SEC14L1: variants seen among roughly 807,000 people sequenced by gnomAD.
SEC14L1 encodes SEC14 like lipid binding 1, also known as SEC14-like protein 1.
Under a neutral mutation model 85.3 loss-of-function variants are expected in SEC14L1, and 48 were observed. The ratio of observed to expected loss-of-function variants is 0.56; its 90% CI spans 0.45 to 0.72. The LOEUF (loss-of-function observed/expected upper bound fraction) is 0.72. SEC14L1 is among the 30% of genes least tolerant of loss of function. SEC14L1 has a pLI of 0.00. For synonymous variants in SEC14L1, 391 were observed against 355.5 expected (o/e 1.10, Z -1.12); for missense variants, 682 against 921.4 (o/e 0.74, Z 3.36).
intron 3 of SEC14L1, among the ~76,000 whole-genome samples, chr17:77,104,914 T>G (rs899691988): frequency 3.3e-5 from 5 of 151,706 alleles, no homozygotes; most frequent in African/African-American, 1.2e-4. Context: ...GGGCACAGCT[T>G]GGTTTTATAC....
intron 3 of SEC14L1, among the ~76,000 whole-genome samples, chr17:77,168,287 T>A (rs1404084378): frequency 6.6e-6 from 1 of 152,202 alleles, no homozygotes; most frequent in Non-Finnish European, 1.5e-5. Flanking sequence ...CCCTTTGTCT[T>A]TTGATAATTC....
In SEC14L1 at chr17:77,203,743, G is replaced by A. The variant is rs949879577; in HGVS notation, c.1098+85G>A. Reference sequence around the variant, plus strand: ...GTAGGATTGGGGTGTTAACCAGCCTGTTAGAACAAACATGAATTGCTTATG... The same window carrying A: ...GTAGGATTGGGGTGTTAACCAGCCTATTAGAACAAACATGAATTGCTTATG... On this transcript the variant is annotated intron_variant, in intron 10 of 16. Transcript: ENST00000436233. 2.3e-5 allele frequency: 23 copies of A among 992,008 alleles called. No individual in the cohort carries two copies. The African/African-American group carries it at 3.4e-4, about 15-fold the overall frequency. The allele number at this position is 992,008 out of a possible 1,614,324, so 61.5% of individuals were successfully genotyped here. A position where few individuals can be genotyped will look rare whatever the true frequency, so the allele number is the denominator to read the frequency against.
intron 3 of SEC14L1, among the ~76,000 whole-genome samples, chr17:77,165,938 G>C (rs1479718492): frequency 6.6e-6 from 1 of 152,186 alleles, no homozygotes; most frequent in Admixed American, 6.5e-5. Context: ...AAAATGTTTA[G>C]TGTTTTAAAC....
chr17:77,203,294 C>T (rs543516084), intron 9 of SEC14L1, among the ~76,000 whole-genome samples: 24 of 152,306 alleles, frequency 1.6e-4, no homozygotes, highest in Admixed American at 1.4e-3. Flanking sequence ...GAGTCCCAGC[C>T]GGATTCCCCT....
intron 3 of SEC14L1, among the ~76,000 whole-genome samples, chr17:77,176,745 C>A (rs1360277943): frequency 6.6e-6 from 1 of 152,112 alleles, no homozygotes; most frequent in Non-Finnish European, 1.5e-5. Context: ...TACCACCATG[C>A]CCGGCTAGTT....
At chr17:77,202,940 A>AT (rs1976240409) in intron 9 of SEC14L1, among the ~76,000 whole-genome samples, 1 of 151,166 alleles carries the variant, frequency 6.6e-6, no homozygotes, top group African/African-American at 2.4e-5. Flanking sequence ...AAAAAATAAA[A>AT]AAAAAAAAAA....
chr17:77,113,694 C>T (rs1402165811), intron 3 of SEC14L1, among the ~76,000 whole-genome samples: 2 of 152,014 alleles, frequency 1.3e-5, no homozygotes, highest in East Asian at 1.9e-4. Flanking sequence ...TGCTATGAGC[C>T]GAAATTGCGC....
At chr17:77,164,149 G>T (rs1974187549) in intron 3 of SEC14L1, among the ~76,000 whole-genome samples, 2 of 152,332 alleles carry the variant, frequency 1.3e-5, no homozygotes, top group Admixed American at 1.3e-4. Context: ...TGATTGCCCT[G>T]ACCTGGCTGC....
At chr17:77,103,929 C>T (rs1275007877) in intron 3 of SEC14L1, among the ~76,000 whole-genome samples, 1 of 151,272 alleles carries the variant, frequency 6.6e-6, no homozygotes, top group East Asian at 2.0e-4. Context: ...AGAGCCTGTG[C>T]ACTCGCTGAC....
intron 3 of SEC14L1, among the ~76,000 whole-genome samples, chr17:77,100,416 C>CTT (rs1567868343): frequency 0.063 from 3,783 of 60,002 alleles, 231 homozygotes; most frequent in East Asian, 0.12. Context: ...TCTTTTCTTT[C>CTT]TCTCTCTCTC....
At chr17:77,155,410 A>T (rs1057260560) in intron 3 of SEC14L1, among the ~76,000 whole-genome samples, 1 of 152,204 alleles carries the variant, frequency 6.6e-6, no homozygotes, top group Non-Finnish European at 1.5e-5. Context: ...GCTGCTTTAG[A>T]TGTGTGGCCC....
chr17:77,188,266 A>G (rs1334474480), intron 3 of SEC14L1, among the ~76,000 whole-genome samples: 1 of 152,138 alleles, frequency 6.6e-6, no homozygotes, highest in African/African-American at 2.4e-5. Flanking sequence ...CATCTCTCTC[A>G]TGGCCCTTTT....
intron 3 of SEC14L1, among the ~76,000 whole-genome samples, chr17:77,131,876 G>C (rs1972623540): frequency 6.6e-6 from 1 of 152,170 alleles, no homozygotes; most frequent in African/African-American, 2.4e-5. Flanking sequence ...CTCTTAGGTA[G>C]ATAAACCAAC....
At chr17:77,146,067 C>T (rs969456716) in intron 3 of SEC14L1, among the ~76,000 whole-genome samples, 2 of 152,130 alleles carry the variant, frequency 1.3e-5, no homozygotes, top group African/African-American at 4.8e-5. Flanking sequence ...TAGTTCATTC[C>T]CCACCCCGAC....
At chr17:77,203,484 A>T (rs925617021) in intron 9 of SEC14L1, 86 bp from the exon 10 acceptor site, 3 of 1,176,972 alleles carry the variant, frequency 2.5e-6, no homozygotes, top group African/African-American at 3.1e-5. Flanking sequence ...ACAGGCGAAC[A>T]CATATTCCTG....
intron 3 of SEC14L1, among the ~76,000 whole-genome samples, chr17:77,177,150 T>C (rs1974793873): frequency 1.3e-5 from 2 of 151,922 alleles, no homozygotes. Context: ...TGAAAGTTAC[T>C]GAGACATCAA....
In SEC14L1 at chr17:77,216,449, G is replaced by A. The variant is rs1460949664; in HGVS notation, c.*2426G>A. ...TAGGTAGGGTTCGTAGGTAGGGTTA[G>A]TAGCGCGTCTGTGCTGCTTCCACCT... On this transcript the variant is annotated 3_prime_UTR_variant, in exon 17 of 17. Coordinates refer to ENST00000436233, the MANE Select transcript of SEC14L1 (RefSeq NM_001143998.2). The A allele has an allele frequency of 6.2e-7, 1 of 1,605,320 alleles. No individual in the cohort carries two copies.
In SEC14L1 at chr17:77,216,663, G is replaced by A. The variant is rs952760176; in HGVS notation, c.*2640G>A. The A allele has an allele frequency of 1.2e-6, 2 of 1,603,006 alleles. No homozygotes were observed. Among genetic ancestry groups the A allele is most frequent in the Non-Finnish European group, 1.7e-6 (2 of 1,172,066 alleles). ...GCCATCCCCTGCCCCCTCCCAGGCT[G>A]AAGATCTGTTCTTTTTAAGTTGATT... is the stretch of plus-strand genomic sequence containing the variant. On this transcript the variant is annotated 3_prime_UTR_variant, in exon 17 of 17. Transcript: ENST00000436233.
chr17:77,203,662 A>G lies in SEC14L1; in HGVS notation c.1098+4A>G. 6.2e-7 allele frequency: 1 copy of G among 1,610,688 alleles called. No homozygotes were observed. The highest frequency in any genetic ancestry group is 8.5e-7 in the Non-Finnish European group (1 of 1,178,444). ...GGAGGAAGCCCTGCTGAGATACGTAAGTGCGCGGCTGCGAGACTCCAGGTG... is the reference window on the plus strand; with the variant it reads ...GGAGGAAGCCCTGCTGAGATACGTAGGTGCGCGGCTGCGAGACTCCAGGTG... On this transcript the variant is annotated splice_donor_region_variant and intron_variant, in intron 10 of 16. Transcript: ENST00000436233.
Sources: gnomAD v4.1 joint callset for allele counts (sites outside exome capture counted in the v4.1 genomes callset) on GRCh38, gnomAD v4.1.1 for gene constraint, MANE v1.5 for transcripts, NCBI Gene and HGNC (gene_info 2026-07-23, HGNC 2026-07-21) for gene names.